Variants in SMYD3 observed in about 807,000 individuals in gnomAD.
SMYD3 encodes SET and MYND domain containing 3.
A neutral mutation model predicts 57.7 loss-of-function variants in SMYD3; 36 were observed. That is an observed-to-expected ratio of 0.62 (90% CI 0.48 to 0.82). SMYD3 has a LOEUF of 0.82. SMYD3 is among the 40% of genes least tolerant of loss of function. The pLI is 0.00. For synonymous variants in SMYD3, 211 were observed against 195.0 expected, an observed-to-expected ratio of 1.08 and a Z score of -0.68; for missense variants, 515 against 538.8, an observed-to-expected ratio of 0.96 and a Z score of 0.44.
At chr1:245,788,307 G>A (rs2047132886) in intron 10 of SMYD3, among the ~76,000 whole-genome samples, 1 of 152,204 alleles carries the variant, frequency 6.6e-6, no homozygotes, top group African/African-American at 2.4e-5. Context: ...AGGGCGAGGA[G>A]AATGGTGTCC....
intron 5 of SMYD3, among the ~76,000 whole-genome samples, chr1:246,153,701 G>C (rs1003646518): frequency 6.6e-6 from 1 of 151,980 alleles, no homozygotes; most frequent in Non-Finnish European, 1.5e-5. Flanking sequence ...CAAACTCCTA[G>C]CCTCAAGCAA....
chr1:246,206,515 A>G (rs2063002501), intron 5 of SMYD3, among the ~76,000 whole-genome samples: 1 of 152,156 alleles, frequency 6.6e-6, no homozygotes, highest in Non-Finnish European at 1.5e-5. Flanking sequence ...AATGACAGAG[A>G]AAAATTATGT....
At chr1:246,242,927 A>G (rs1005852736) in intron 5 of SMYD3, among the ~76,000 whole-genome samples, 6 of 152,218 alleles carry the variant, frequency 3.9e-5, no homozygotes, top group Non-Finnish European at 7.3e-5. Context: ...TATGCACCCA[A>G]TACAGAAGCA....
At chr1:245,906,284 A>G (rs1165295372) in intron 8 of SMYD3, among the ~76,000 whole-genome samples, 1 of 152,232 alleles carries the variant, frequency 6.6e-6, no homozygotes, top group Non-Finnish European at 1.5e-5. Flanking sequence ...AAAGAGCTCA[A>G]ACAAATCTAT....
At chr1:246,043,133 T>C (rs552087509) in intron 5 of SMYD3, among the ~76,000 whole-genome samples, 2 of 152,208 alleles carry the variant, frequency 1.3e-5, no homozygotes, top group African/African-American at 2.4e-5. Flanking sequence ...TGTACACATA[T>C]ACACAGCATC....
At chr1:245,819,040 G>A (rs530542337) in intron 10 of SMYD3, among the ~76,000 whole-genome samples, 9,408 of 103,948 alleles carry the variant, frequency 0.091, 486 homozygotes, top group East Asian at 0.19. Flanking sequence ...TGCACCAAGC[G>A]GACCTAATAG....
chr1:245,923,682 C>T (rs754422985), intron 7 of SMYD3, among the ~76,000 whole-genome samples: 1 of 152,152 alleles, frequency 6.6e-6, no homozygotes, highest in Non-Finnish European at 1.5e-5. Flanking sequence ...CATTCCTTAA[C>T]CACTCTCCAC....
At chr1:246,287,546 A>C (rs2064594998) in intron 5 of SMYD3, among the ~76,000 whole-genome samples, 1 of 152,220 alleles carries the variant, frequency 6.6e-6, no homozygotes, top group Non-Finnish European at 1.5e-5. Flanking sequence ...GACCTTGGGC[A>C]AGTCATACTA....
At chr1:246,322,808 C>T (rs1211112228) in intron 5 of SMYD3, among the ~76,000 whole-genome samples, 2 of 152,242 alleles carry the variant, frequency 1.3e-5, no homozygotes, top group African/African-American at 4.8e-5. Flanking sequence ...GCATCCCCTC[C>T]TCTAGAGAAA....
intron 5 of SMYD3, among the ~76,000 whole-genome samples, chr1:246,313,212 G>T (rs1480662767): frequency 1.3e-5 from 2 of 152,036 alleles, no homozygotes; most frequent in South Asian, 4.2e-4. Context: ...GGGCAAAGTG[G>T]GTATTGTTCC....
chr1:246,069,300 G>A (rs1430188439), intron 5 of SMYD3, among the ~76,000 whole-genome samples: 1 of 152,216 alleles, frequency 6.6e-6, no homozygotes, highest in African/African-American at 2.4e-5. Flanking sequence ...CAAAAGTTGT[G>A]AAAATTTTCT....
chr1:245,892,167 A>G (rs1232217242), intron 8 of SMYD3, among the ~76,000 whole-genome samples: 1 of 152,200 alleles, frequency 6.6e-6, no homozygotes, highest in Non-Finnish European at 1.5e-5. Flanking sequence ...GAACAGGAGG[A>G]GTTAAAAAAC....
chr1:246,239,790 G>C lies in SMYD3; in HGVS notation c.531+87411C>G, dbSNP rs1047264569. Among the ~76,000 whole-genome samples, 6 of 152,208 alleles carry C rather than the reference G, an allele frequency of 3.9e-5. 1 individual carries two copies. The highest frequency in any genetic ancestry group is 1.4e-4 in the African/African-American group (6 of 41,550). On this transcript the variant is annotated intron_variant, in intron 5 of 11. Coordinates refer to ENST00000490107, the MANE Select transcript of SMYD3 (RefSeq NM_001167740.2). ...TTTTTAATGATCGCCATTCTAACTG[G>C]TGTGAGATGGTATCTCATTGTGGTT...
At chr1:245,806,826 C>T (rs1038194369) in intron 10 of SMYD3, among the ~76,000 whole-genome samples, 7 of 138,432 alleles carry the variant, frequency 5.1e-5, no homozygotes, top group African/African-American at 1.1e-4. Flanking sequence ...AGGAGAATGG[C>T]GTGAACCCGG....
chr1:245,915,640 G>A lies in SMYD3; in HGVS notation c.703C>T (p.Leu235Phe). The A allele has an allele frequency of 6.2e-7, 1 of 1,607,614 alleles. No individual in the cohort carries two copies. Among genetic ancestry groups the A allele is most frequent in the Non-Finnish European group, 8.5e-7 (1 of 1,174,132 alleles). The change falls in exon 8 of 12, where the codon CTC (leucine) becomes TTC (phenylalanine). Residue 235 changes from leucine (L) to phenylalanine (F), a missense_variant and splice_region_variant. Physicochemically the swap from Leu to Phe is conservative, Grantham distance 22 (BLOSUM62 0). Coordinates refer to ENST00000490107, the MANE Select transcript of SMYD3 (RefSeq NM_001167740.2). ...AGCATATCCAGGTAGCAGATGGTGA[G>A]CTGTGCAGGCCAGAGAGAGGGAAGC... ...AVRDIEVGEELTICYLDMLMT... is the reference protein window; with the variant it reads ...AVRDIEVGEEFTICYLDMLMT...
intron 5 of SMYD3, among the ~76,000 whole-genome samples, chr1:246,140,446 T>C (rs1426999712): frequency 2.0e-5 from 3 of 152,168 alleles, no homozygotes; most frequent in Non-Finnish European, 2.9e-5. Context: ...CTAGCACCAG[T>C]AGTATTAGTA....
intron 8 of SMYD3, among the ~76,000 whole-genome samples, chr1:245,898,772 T>G (rs1221650266): frequency 6.6e-6 from 1 of 152,198 alleles, no homozygotes; most frequent in Non-Finnish European, 1.5e-5. Flanking sequence ...AGCTTGTTTG[T>G]TTTTTGCAAC....
intron 1 of SMYD3, among the ~76,000 whole-genome samples, chr1:246,476,006 G>A (rs1270404968): frequency 6.6e-6 from 1 of 152,096 alleles, no homozygotes; most frequent in East Asian, 1.9e-4. Flanking sequence ...TTCTATGACA[G>A]GTAATATAGA....
At chr1:246,451,361 T>C (rs2067629809) in intron 1 of SMYD3, among the ~76,000 whole-genome samples, 1 of 152,204 alleles carries the variant, frequency 6.6e-6, no homozygotes, top group Non-Finnish European at 1.5e-5. Context: ...TAAGTGAATA[T>C]TACTAAGCGA....
Sources: gnomAD v4.1 joint callset for allele counts (sites outside exome capture counted in the v4.1 genomes callset) on GRCh38, gnomAD v4.1.1 for gene constraint, MANE v1.5 for transcripts, NCBI Gene and HGNC (gene_info 2026-07-23, HGNC 2026-07-21) for gene names.